LOC122539214: variants seen among roughly 807,000 people sequenced by gnomAD.
chr19:52,686,184 T>C, the LOC122539214 span, among the ~76,000 whole-genome samples: 2 of 151,926 alleles, frequency 1.3e-5, no homozygotes, highest in South Asian at 4.2e-4. Context: ...GTACCAAAGT[T>C]TTCCAATAAA....
At chr19:52,662,247 G>A in the LOC122539214 span, among the ~76,000 whole-genome samples, 2 of 152,164 alleles carry the variant, frequency 1.3e-5, no homozygotes, top group Admixed American at 1.3e-4. Context: ...GTTTGGCTAA[G>A]TCCCCAGAAG....
At chr19:52,673,039 T>C in the LOC122539214 span, among the ~76,000 whole-genome samples, 1 of 151,784 alleles carries the variant, frequency 6.6e-6, no homozygotes, top group Admixed American at 6.6e-5. Context: ...CTCAAACCTA[T>C]AAGCCCTGTC....
At chr19:52,688,316 G>A in the LOC122539214 span, among the ~76,000 whole-genome samples, 2 of 151,454 alleles carry the variant, frequency 1.3e-5, no homozygotes, top group African/African-American at 2.4e-5. Context: ...GATTACAGGT[G>A]CGCACCATCA....
chr19:52,659,270 A>AC, the LOC122539214 span, among the ~76,000 whole-genome samples: 1 of 151,836 alleles, frequency 6.6e-6, no homozygotes, highest in Non-Finnish European at 1.5e-5. Context: ...GAGGAACGCG[A>AC]CCCCCGAAAA....
At chr19:52,684,132 G>T in the LOC122539214 span, among the ~76,000 whole-genome samples, 1 of 152,092 alleles carries the variant, frequency 6.6e-6, no homozygotes, top group Non-Finnish European at 1.5e-5. Context: ...ACTCTGGGAG[G>T]CCGAGGCTGG....
chr19:52,687,185 A>C, the LOC122539214 span, among the ~76,000 whole-genome samples: 4 of 148,408 alleles, frequency 2.7e-5, no homozygotes, highest in African/African-American at 7.4e-5. Flanking sequence ...CCATCTCAAA[A>C]AAAAAAAAAA....
chr19:52,677,122 AT>A, the LOC122539214 span, among the ~76,000 whole-genome samples: 243 of 50,436 alleles, frequency 4.8e-3, no homozygotes, highest in African/African-American at 0.025. Context: ...AGAATGATCA[AT>A]TAAAAAAAAA....
At chr19:52,676,127 C>T in the LOC122539214 span, among the ~76,000 whole-genome samples, 39,894 of 151,966 alleles carry the variant, frequency 0.26, 5,590 homozygotes, top group East Asian at 0.53. Flanking sequence ...ATTGCAGGCG[C>T]GCGCCGCCAC....
the LOC122539214 span, among the ~76,000 whole-genome samples, chr19:52,656,336 A>G: frequency 7.2e-3 from 1,091 of 152,166 alleles, 15 homozygotes; most frequent in African/African-American, 0.025. Flanking sequence ...AACCTGGGCT[A>G]CATTGTGAAA....
At chr19:52,687,588 A>G in the LOC122539214 span, among the ~76,000 whole-genome samples, 1 of 44,014 alleles carries the variant, frequency 2.3e-5, no homozygotes, top group African/African-American at 2.9e-4. Context: ...TTATATATAT[A>G]TATATATAAT....
At chr19:52,669,851 C>T in the LOC122539214 span, among the ~76,000 whole-genome samples, 1 of 152,282 alleles carries the variant, frequency 6.6e-6, no homozygotes, top group African/African-American at 2.4e-5. Context: ...TCTCCCTTAA[C>T]TATCCTCCAC....
the LOC122539214 span, among the ~76,000 whole-genome samples, chr19:52,683,205 A>C: frequency 2.9e-4 from 43 of 148,826 alleles, no homozygotes; most frequent in South Asian, 6.3e-4. Context: ...CTTGATCCTC[A>C]GCTCCTCAGC....
the LOC122539214 span, among the ~76,000 whole-genome samples, chr19:52,671,022 C>T: frequency 2.6e-5 from 4 of 152,182 alleles, no homozygotes; most frequent in Non-Finnish European, 5.9e-5. Flanking sequence ...TAGTTATTCT[C>T]TTCAGGATTG....
At chr19:52,658,801 G>T in the LOC122539214 span, among the ~76,000 whole-genome samples, 1 of 152,134 alleles carries the variant, frequency 6.6e-6, no homozygotes, top group African/African-American at 2.4e-5. Flanking sequence ...TGGCCCTCTA[G>T]CGGGAGGCTG....
the LOC122539214 span, among the ~76,000 whole-genome samples, chr19:52,684,080 A>C: frequency 6.6e-6 from 1 of 152,114 alleles, no homozygotes; most frequent in African/African-American, 2.4e-5. Context: ...CTAAAAATAC[A>C]AAAATTGAGC....
chr19:52,656,227 TA>T, the LOC122539214 span, among the ~76,000 whole-genome samples: 1 of 81,232 alleles, frequency 1.2e-5, no homozygotes, highest in Non-Finnish European at 3.2e-5. Flanking sequence ...TCTCTCTCTC[TA>T]TATATATATA....
At chr19:52,655,645 C>T in the LOC122539214 span, 1 of 1,391,164 alleles carries the variant, frequency 7.2e-7, no homozygotes, top group Non-Finnish European at 1.0e-6. Flanking sequence ...TTCCACTCCT[C>T]CAAAGAGAAT....
At chr19:52,658,709 A>T in the LOC122539214 span, among the ~76,000 whole-genome samples, 2 of 152,206 alleles carry the variant, frequency 1.3e-5, no homozygotes, top group African/African-American at 2.4e-5. Flanking sequence ...GCATTAGGTC[A>T]TAGGGTAAAT....
At chr19:52,681,767 G>T in the LOC122539214 span, among the ~76,000 whole-genome samples, 2 of 152,320 alleles carry the variant, frequency 1.3e-5, no homozygotes, top group South Asian at 2.1e-4. Flanking sequence ...CATGAAATAG[G>T]TTCAAGGGTA....
Sources: allele counts gnomAD v4.1 joint callset (sites outside exome capture counted in the v4.1 genomes callset), GRCh38; gene constraint gnomAD v4.1.1; transcripts MANE v1.5.